PLXNA4: variants seen among roughly 807,000 people sequenced by gnomAD.
PLXNA4 encodes the protein plexin-A4.
PLXNA4 carries 44 observed loss-of-function variants against 191.8 expected under a neutral mutation model. That is an observed-to-expected ratio of 0.23 (90% CI 0.18 to 0.29). The LOEUF (loss-of-function observed/expected upper bound fraction) is 0.29. Among genes scored for constraint, PLXNA4 ranks in the 10% least tolerant of loss-of-function variants. The probability of loss-of-function intolerance (pLI) is 1.00; values close to 1 mark genes in which losing one functional copy is unlikely to be tolerated. For missense variants in PLXNA4, 1,800 were observed against 2,488.8 expected (o/e 0.72, Z 5.89); for synonymous variants, 1,082 against 1,009.5 (o/e 1.07, Z -1.36).
At chr7:132,365,546 T>G (rs1281393352) in intron 3 of PLXNA4, among the ~76,000 whole-genome samples, 1 of 152,012 alleles carries the variant, frequency 6.6e-6, no homozygotes, top group Non-Finnish European at 1.5e-5. Context: ...GTTCAATGGA[T>G]CCATCATTCC....
chr7:132,566,451 C>G (rs1366752306), intron 1 of PLXNA4, among the ~76,000 whole-genome samples: 1 of 152,138 alleles, frequency 6.6e-6, no homozygotes, highest in Admixed American at 6.5e-5. Context: ...AAATCCTCAG[C>G]CTTTTCTTGG....
chr7:132,356,255 G>A (rs1803702052), intron 3 of PLXNA4, among the ~76,000 whole-genome samples: 1 of 152,172 alleles, frequency 6.6e-6, no homozygotes, highest in African/African-American at 2.4e-5. Flanking sequence ...GGGAAAGCCT[G>A]AAGCTCAGAT....
At position 132,298,049 on chromosome 7, in the gene PLXNA4, T is replaced by G. The variant is rs1048986554; in HGVS notation, c.1503+42A>C. On this transcript the variant is annotated intron_variant, in intron 4 of 31. Transcript: ENST00000321063. ...TTGTACTGAGCCACAGGCTAGTATT[T>G]AACTGCAAGACAAATGTCTAGCGGA... The G allele has an allele frequency of 9.3e-6, 15 of 1,613,326 alleles. No individual in the cohort carries two copies. In the African/African-American group the frequency reaches 1.6e-4, roughly 17 times the overall value.
intron 4 of PLXNA4, among the ~76,000 whole-genome samples, chr7:132,279,363 T>C (rs1434889271): frequency 6.6e-6 from 1 of 152,196 alleles, no homozygotes; most frequent in Non-Finnish European, 1.5e-5. Flanking sequence ...AAATTAAGGC[T>C]GGGCATGGTG....
At chr7:132,602,898 GTGT>G (rs145530868) in intron 2 of PLXNA4, among the ~76,000 whole-genome samples, 2,957 of 152,276 alleles carry the variant, frequency 0.019, 87 homozygotes, top group African/African-American at 0.065. Context: ...CCATCGGGAA[GTGT>G]TAGTACAATT....
chr7:132,344,932 T>C (rs1214851915), intron 3 of PLXNA4, among the ~76,000 whole-genome samples: 1 of 152,150 alleles, frequency 6.6e-6, no homozygotes, highest in East Asian at 1.9e-4. Context: ...AGGGTTGCTG[T>C]GGACTAGCAG....
At chr7:132,164,445 T>A (rs896167) in intron 23 of PLXNA4, among the ~76,000 whole-genome samples, 157 bp from the exon 24 acceptor site, 126,213 of 152,026 alleles carry the variant, frequency 0.83, 53,047 homozygotes, top group African/African-American at 0.96. Flanking sequence ...CTTCTCTCCA[T>A]CTCCTCATCC....
chr7:132,562,881 TTTCTCTGCCTCCTTCTCC>T (rs1801310703), intron 1 of PLXNA4, among the ~76,000 whole-genome samples: 1 of 61,158 alleles, frequency 1.6e-5, no homozygotes, highest in Admixed American at 1.8e-4. Flanking sequence ...CCTCCTCTTC[TTTCTCTGCCTCCTTCTCC>T]CCCTCCTCCT....
rs10246741 is a variant in PLXNA4, at chr7:132,399,728, G to A, written c.1371+89564C>T. On this transcript the variant is annotated intron_variant, in intron 3 of 31. Coordinates refer to ENST00000321063, the MANE Select transcript of PLXNA4 (RefSeq NM_020911.2). ...TTCTGGCATCTGAAAATGTTGTTAG[G>A]ATGAAATTTCAAAATCAGGTTTTAT... Among the ~76,000 whole-genome samples the A allele has an allele frequency of 6.1e-3, 936 of 152,300 alleles. 5 individuals are homozygous for A. The highest frequency in any genetic ancestry group is 0.021 in the African/African-American group (870 of 41,560).
intron 3 of PLXNA4, among the ~76,000 whole-genome samples, chr7:132,427,789 G>A (rs1161851549): frequency 1.3e-5 from 2 of 152,188 alleles, no homozygotes; most frequent in African/African-American, 2.4e-5. Flanking sequence ...TGCACTACGT[G>A]CTTCATACAT....
At chr7:132,588,143 C>A (rs181103250) in intron 2 of PLXNA4, among the ~76,000 whole-genome samples, 1 of 152,046 alleles carries the variant, frequency 6.6e-6, no homozygotes, top group African/African-American at 2.4e-5. Flanking sequence ...AGGCCTCAGG[C>A]GATGAACTCA....
At chr7:132,439,920 G>A (rs1020528731) in intron 3 of PLXNA4, among the ~76,000 whole-genome samples, 45 of 152,216 alleles carry the variant, frequency 3.0e-4, no homozygotes, top group African/African-American at 1.0e-3. Context: ...AAGCTTTATG[G>A]AATTAGGATA....
chr7:132,613,663 AT>A (rs1803097495), intron 2 of PLXNA4, among the ~76,000 whole-genome samples: 1 of 152,170 alleles, frequency 6.6e-6, no homozygotes, highest in African/African-American at 2.4e-5. Context: ...GCAAAGTAGC[AT>A]GTGTGATATT....
intron 21 of PLXNA4, among the ~76,000 whole-genome samples, chr7:132,172,909 T>A (rs530011931): frequency 6.6e-6 from 1 of 152,238 alleles, no homozygotes; most frequent in South Asian, 2.1e-4. Context: ...ATCCACAGAG[T>A]AATATGGGAA....
rs191825470 is a variant in PLXNA4, at chr7:132,131,112, A to G, written c.5590-538T>C. On this transcript the variant is annotated intron_variant, in intron 31 of 31. Coordinates refer to ENST00000321063, the MANE Select transcript of PLXNA4 (RefSeq NM_020911.2). ...TGCCTGTTAAAAAACAAATGTCCCTAGAAGAGTAAGACTACAAGCTTTCCT... is the reference window on the plus strand; with the variant it reads ...TGCCTGTTAAAAAACAAATGTCCCTGGAAGAGTAAGACTACAAGCTTTCCT... Among the ~76,000 whole-genome samples, 405 of 152,328 alleles carry G rather than the reference A, an allele frequency of 2.7e-3. 1 individual carries two copies. Among genetic ancestry groups the G allele is most frequent in the Admixed American group, 5.0e-3 (76 of 15,304 alleles).
intron 3 of PLXNA4, among the ~76,000 whole-genome samples, chr7:132,395,646 G>A (rs1002986618): frequency 1.3e-5 from 2 of 152,258 alleles, no homozygotes; most frequent in Admixed American, 6.5e-5. Context: ...GGCAGCCTCT[G>A]ATAGGCAAAC....
At chr7:132,573,084 G>A (rs1802053170) in intron 1 of PLXNA4, among the ~76,000 whole-genome samples, 1 of 151,238 alleles carries the variant, frequency 6.6e-6, no homozygotes, top group South Asian at 2.1e-4. Context: ...AAGTGGTGGG[G>A]GCAGAGAAGT....
chr7:132,524,330 T>G (rs1398779772), intron 1 of PLXNA4, among the ~76,000 whole-genome samples: 1 of 152,234 alleles, frequency 6.6e-6, no homozygotes, highest in Admixed American at 6.5e-5. Context: ...GGGAAATTAC[T>G]GATGCTTATG....
chr7:132,434,958 G>C (rs1376935750), intron 3 of PLXNA4, among the ~76,000 whole-genome samples: 1 of 152,136 alleles, frequency 6.6e-6, no homozygotes, highest in African/African-American at 2.4e-5. Flanking sequence ...CTGCTCTGGG[G>C]CCACCCTGGG....
Sources: gnomAD v4.1 joint callset for allele counts (sites outside exome capture counted in the v4.1 genomes callset) on GRCh38, gnomAD v4.1.1 for gene constraint, MANE v1.5 for transcripts, NCBI Gene and HGNC (gene_info 2026-07-23, HGNC 2026-07-21) for gene names.